The following DSP variants were observed in gnomAD, a reference collection of about 807,000 sequenced individuals.
The protein encoded by DSP is 250/210 kDa paraneoplastic pemphigus antigen.
Under a neutral mutation model 290.6 loss-of-function variants are expected in DSP, and 114 were observed. The observed-to-expected ratio is 0.39, with a 90% CI of 0.34 to 0.46. The LOEUF (loss-of-function observed/expected upper bound fraction) is 0.46. Ranked by LOEUF, DSP falls within the 20% of genes least tolerant of loss-of-function variation. The pLI, the probability that DSP is intolerant of heterozygous loss-of-function variation, is 0.99. For synonymous variants in DSP, 1,311 were observed against 1,316.4 expected, an observed-to-expected ratio of 1.00 and a Z score of 0.09; for missense variants, 3,230 against 3,495.8, an observed-to-expected ratio of 0.92 and a Z score of 1.92.
chr6:7,554,122 CA>C (rs1561678104), intron 1 of DSP, among the ~76,000 whole-genome samples: 16 of 151,584 alleles, frequency 1.1e-4, no homozygotes, highest in African/African-American at 3.4e-4. Flanking sequence ...CACACACACA[CA>C]CACCCAGTTG....
rs1164404788 is a variant in DSP, at chr6:7,585,850, C to T, written c.8588C>T (p.Ser2863Leu). The change falls in exon 24 of 24, where the codon TCA becomes TTA. Residue 2863 changes from serine to leucine, a missense_variant. Physicochemically the swap from Ser to Leu is moderately radical, Grantham distance 145. This residue lies in a region of DSP where 582 missense variants were observed against 555.4 expected (regional missense o/e 1.05). Coordinates refer to ENST00000379802, the MANE Select transcript of DSP (RefSeq NM_004415.4). ...TGNSSYSYSY[S>L]FSSSSIGH The stretch of plus-strand genomic sequence containing the variant: ...AATTCTTCCTACTCTTATTCCTACT[C>T]ATTTAGCAGTAGTTCTATTGGGCAC... 6.2e-7 allele frequency: 1 copy of T among 1,614,086 alleles called. No individual in the cohort carries two copies. The highest frequency in any genetic ancestry group is 1.1e-5 in the South Asian group (1 of 91,018).
chr6:7,582,719 CA>C lies in DSP; in HGVS notation c.5460del (p.Val1821SerfsTer16). ...QERESLLVKIKVLEQDKARLQ... is the reference protein window; with the variant it reads ...QERESLLVKIXVLEQDKARLQ... ...AAAGAGAGAGCCTTCTGGTGAAAAT[CA>C]AAGTCCTGGAGCAAGACAAGGCAAG... On this transcript the variant is annotated frameshift_variant, in exon 24 of 24. Coordinates refer to ENST00000379802, the MANE Select transcript of DSP (RefSeq NM_004415.4). LOFTEE classifies it high-confidence loss of function. This position sits in a 1 kb window ranked among gnomAD's most constrained non-coding sequence, Gnocchi z 4.2. 1 of 1,613,412 alleles carries C rather than the reference CA, an allele frequency of 6.2e-7. No individual in the cohort carries two copies. Among genetic ancestry groups the C allele is most frequent in the Non-Finnish European group, 8.5e-7 (1 of 1,179,754 alleles).
intron 4 of DSP, 37 bp from the exon 5 acceptor site, chr6:7,562,615 A>T (rs1758730723): frequency 1.9e-6 from 3 of 1,613,440 alleles, no homozygotes; most frequent in Non-Finnish European, 2.5e-6. Context: ...CAAAGGGGCA[A>T]CAACAAAGGG....
chr6:7,575,300 A>G lies in DSP; in HGVS notation c.2442A>G (p.Ile814Met). Residue 814 changes from isoleucine to methionine, a missense_variant, in exon 18 of 24, where the codon ATA (isoleucine) becomes ATG (methionine). By Grantham distance (10) the Ile-to-Met change is conservative (BLOSUM62 1). This residue lies in a region of DSP where 1,714 missense variants were observed against 1,844.5 expected (regional missense o/e 0.93). Transcript: ENST00000379802. ...TTTTTTTTTTCATCTTGCAGAAAAT[A>G]AAAAATGACTTGAACTTGAAGAAGT... ...VEAYRCGLKK[I>M]KNDLNLKKSL... is the part of the protein sequence containing the mutation. 1 of 1,613,976 alleles carries G rather than the reference A, an allele frequency of 6.2e-7. No individual in the cohort carries two copies. Among genetic ancestry groups the G allele is most frequent in the Non-Finnish European group, 8.5e-7 (1 of 1,179,944 alleles).
At chr6:7,558,689 T>A (rs1010697650) in intron 3 of DSP, among the ~76,000 whole-genome samples, 12 of 151,964 alleles carry the variant, frequency 7.9e-5, no homozygotes, top group Admixed American at 1.3e-4. Flanking sequence ...TAAAAAAAAA[T>A]TTTTTGTGGA....
chr6:7,555,599 G>A (rs1011814925), intron 1 of DSP, 119 bp from the exon 2 acceptor site: 62 of 776,992 alleles, frequency 8.0e-5, no homozygotes, highest in South Asian at 5.7e-4. Context: ...TTGGGATTCC[G>A]GGTAAAGGGT....
At position 7,584,604 on chromosome 6, in the gene DSP, G is replaced by A; in HGVS notation, c.7342G>A (p.Glu2448Lys). The A allele has an allele frequency of 6.2e-7, 1 of 1,614,010 alleles. No homozygotes were observed. Among genetic ancestry groups the A allele is most frequent in the Non-Finnish European group, 8.5e-7 (1 of 1,179,936 alleles). Residue 2448 changes from glutamate to lysine, a missense_variant, in exon 24 of 24, where the codon GAA becomes AAA. By Grantham distance (56) the Glu-to-Lys change is moderately conservative. This residue lies in a region of DSP where 582 missense variants were observed against 555.4 expected (regional missense o/e 1.05). Coordinates refer to ENST00000379802, the MANE Select transcript of DSP (RefSeq NM_004415.4). This position sits in a 1 kb window ranked among gnomAD's most constrained non-coding sequence, Gnocchi z 6.4. Reference protein sequence around the residue: ...ETGLCLLPLKEKKKQVQTSQK... With the variant: ...ETGLCLLPLKKKKKQVQTSQK... Reference sequence around the variant, plus strand: ...AGGGCTCTGTCTTCTGCCTCTGAAAGAAAAGAAGAAACAGGTGCAGACATC... The same window carrying A: ...AGGGCTCTGTCTTCTGCCTCTGAAAAAAAAGAAGAAACAGGTGCAGACATC...
intron 12 of DSP, among the ~76,000 whole-genome samples, chr6:7,569,880 A>G (rs755408400): frequency 3.7e-4 from 57 of 152,336 alleles, no homozygotes; most frequent in South Asian, 1.0e-3. Context: ...CAGAGTGAAT[A>G]ATACTTGTCA....
chr6:7,559,132 T>C, intron 3 of DSP, 94 bp from the exon 4 acceptor site: 3 of 1,406,096 alleles, frequency 2.1e-6, no homozygotes, highest in Admixed American at 1.7e-5. Context: ...AGCTTCTCTA[T>C]TGACACAAAA....
In DSP at chr6:7,584,847, G is replaced by C; in HGVS notation, c.7585G>C (p.Asp2529His). The C allele has an allele frequency of 6.2e-7, 1 of 1,614,176 alleles. No homozygotes were observed. The highest frequency in any genetic ancestry group is 8.5e-7 in the Non-Finnish European group (1 of 1,180,030). ...LVDRKTGSQY[D>H]IQDAIDKGLV... ...AGATAGAAAGACAGGCAGTCAGTAT[G>C]ATATTCAAGATGCTATTGACAAGGG... Residue 2529 changes from aspartate to histidine, a missense_variant, in exon 24 of 24, where the codon GAT (aspartate) becomes CAT (histidine). Coordinates refer to ENST00000379802, the MANE Select transcript of DSP (RefSeq NM_004415.4). The surrounding 1 kb of genome is among the most constrained non-coding windows in gnomAD (Gnocchi z 6.4).
Position 7,585,023 on chromosome 6 carries a change from T to G in DSP, c.7761T>G (p.His2587Gln). 1 of 1,614,178 alleles carries G rather than the reference T, an allele frequency of 6.2e-7. No homozygotes were observed. ...ATGATGTTTTTAGCAGCTCCCGACA[T>G]GAATCAGTAAGTAAGATTTCCACCA... is the stretch of plus-strand genomic sequence containing the variant. ...VSDDVFSSSR[H>Q]ESVSKISTIS... The change falls in exon 24 of 24, where the codon CAT (histidine) becomes CAG (glutamine). Residue 2587 changes from histidine to glutamine, a missense_variant. This residue lies in a region of DSP where 582 missense variants were observed against 555.4 expected (regional missense o/e 1.05). Transcript: ENST00000379802.
In DSP at chr6:7,584,904, C is replaced by G. The variant is rs146296069; in HGVS notation, c.7642C>G (p.Arg2548Gly). The G allele has an allele frequency of 6.8e-6, 11 of 1,614,148 alleles. No homozygotes were observed. Among genetic ancestry groups the G allele is most frequent in the Non-Finnish European group, 8.5e-6 (10 of 1,180,034 alleles). The change falls in exon 24 of 24, where the codon CGA (arginine) becomes GGA (glycine). Residue 2548 changes from arginine to glycine, a missense_variant. This residue lies in a region of DSP where 582 missense variants were observed against 555.4 expected (regional missense o/e 1.05). Coordinates refer to ENST00000379802, the MANE Select transcript of DSP (RefSeq NM_004415.4). The surrounding 1 kb of genome is among the most constrained non-coding windows in gnomAD (Gnocchi z 6.4). ...LVDRKFFDQY[R>G]SGSLSLTQFA... ...TGACAGGAAGTTCTTTGATCAGTAC[C>G]GATCCGGCAGCCTCAGCCTCACTCA...
intron 23 of DSP, 144 bp downstream of exon 23, chr6:7,581,713 C>A: frequency 1.7e-6 from 2 of 1,164,836 alleles, no homozygotes; most frequent in South Asian, 1.5e-5. Flanking sequence ...TACTTCCTGT[C>A]ATAATCCAGG....
chr6:7,574,355 G>C lies in DSP; in HGVS notation c.2297+103G>C, dbSNP rs141529776. On this transcript the variant is annotated intron_variant, in intron 16 of 23. Coordinates refer to ENST00000379802, the MANE Select transcript of DSP (RefSeq NM_004415.4). The stretch of plus-strand genomic sequence containing the variant: ...TTGCCTTACAGTTTCTCTGTTACTA[G>C]AGATTTACTTACATCCTTCTGTGGT... The C allele has an allele frequency of 2.0e-5, 25 of 1,222,290 alleles. No individual in the cohort carries two copies. In the East Asian group the frequency reaches 5.9e-4, roughly 29 times the overall value. 75.7% of individuals were successfully genotyped at this position (1,222,290 alleles called of 1,614,324 possible). A position where few individuals can be genotyped will look rare whatever the true frequency, so the allele number is the denominator to read the frequency against.
chr6:7,549,152 ATT>A (rs33986567), intron 1 of DSP, among the ~76,000 whole-genome samples: 19,347 of 149,432 alleles, frequency 0.13, 1,453 homozygotes, highest in Non-Finnish European at 0.17. Context: ...TGTTTAATGA[ATT>A]TTTTTTTTTT....
intron 12 of DSP, among the ~76,000 whole-genome samples, chr6:7,569,980 T>A (rs1207654482): frequency 6.6e-6 from 1 of 152,254 alleles, no homozygotes; most frequent in East Asian, 1.9e-4. Context: ...GCCTTTAATA[T>A]CAATATTCAC....
At position 7,581,349 on chromosome 6, in the gene DSP, T is replaced by C. The variant is rs774070611; in HGVS notation, c.5159T>C (p.Leu1720Ser). 3 of 1,614,164 alleles carry C rather than the reference T, an allele frequency of 1.9e-6. No individual in the cohort carries two copies. Among genetic ancestry groups the C allele is most frequent in the Non-Finnish European group, 1.7e-6 (2 of 1,180,008 alleles). ...TENLTKEHLM[L>S]EEELRNLRLE... ...AACCTGACCAAGGAGCACTTGATGT[T>C]AGAAGAAGAACTGCGGAACCTGAGG... Residue 1720 changes from leucine (L) to serine (S), a missense_variant, in exon 23 of 24, where the codon TTA becomes TCA. This residue lies in a region of DSP where 1,714 missense variants were observed against 1,844.5 expected (regional missense o/e 0.93). Coordinates refer to ENST00000379802, the MANE Select transcript of DSP (RefSeq NM_004415.4).
chr6:7,570,218 A>G (rs1197274096), intron 12 of DSP, among the ~76,000 whole-genome samples: 1 of 152,226 alleles, frequency 6.6e-6, no homozygotes, highest in African/African-American at 2.4e-5. Flanking sequence ...AAAAAGTTGT[A>G]GTATATATGT....
chr6:7,546,771 G>A (rs1045662032), intron 1 of DSP, among the ~76,000 whole-genome samples: 31 of 152,266 alleles, frequency 2.0e-4, no homozygotes, highest in Admixed American at 1.4e-3. Context: ...CTCTTGTAGA[G>A]TTTCTATCTG....
Sources: allele counts gnomAD v4.1 joint callset (sites outside exome capture counted in the v4.1 genomes callset), GRCh38; gene constraint gnomAD v4.1.1; regional missense constraint gnomAD v4.1.1; non-coding constraint Gnocchi (gnomAD v3.1); transcripts MANE v1.5; gene names NCBI Gene and HGNC (gene_info 2026-07-23, HGNC 2026-07-21).